The following IRAK3 variants were observed in gnomAD, a reference collection of about 807,000 sequenced individuals.
IRAK3 encodes interleukin 1 receptor associated kinase 3, also known as interleukin-1 receptor-associated kinase 3.
A neutral mutation model predicts 56.6 loss-of-function variants in IRAK3; 57 were observed. The observed-to-expected ratio is 1.01, with a 90% CI of 0.81 to 1.26. The LOEUF (loss-of-function observed/expected upper bound fraction) is 1.26. Ranked by LOEUF, IRAK3 falls within the 50% of genes most tolerant of loss-of-function variation. The pLI, the probability that IRAK3 is intolerant of heterozygous loss-of-function variation, is 0.00. For missense variants in IRAK3, 703 were observed against 719.0 expected, an observed-to-expected ratio of 0.98 and a Z score of 0.25; for synonymous variants, 258 against 255.7, an observed-to-expected ratio of 1.01 and a Z score of -0.09.
At chr12:66,218,291 CAGT>C (rs1311377509) in intron 6 of IRAK3, among the ~76,000 whole-genome samples, 1 of 152,126 alleles carries the variant, frequency 6.6e-6, no homozygotes, top group Non-Finnish European at 1.5e-5. Flanking sequence ...ATATTCTATA[CAGT>C]AGTTTACATA....
chr12:66,236,394 C>G (rs1423132933), intron 8 of IRAK3, among the ~76,000 whole-genome samples: 1 of 56,120 alleles, frequency 1.8e-5, no homozygotes, highest in African/African-American at 6.3e-5. Flanking sequence ...ACTAAAAATA[C>G]CAAAAAAAAA....
chr12:66,238,673 G>A lies in IRAK3; in HGVS notation c.888-5813G>A, dbSNP rs775111124. Among the ~76,000 whole-genome samples the A allele has an allele frequency of 3.9e-5, 6 of 152,136 alleles. No homozygotes were observed. The East Asian group carries it at 7.7e-4, about 20-fold the overall frequency. ...GAAGAGGAGATCGGGCCTGGAAAGCGGTGAGAGTAGATAGCTTTCTAAGGA... is the reference window on the plus strand; with the variant it reads ...GAAGAGGAGATCGGGCCTGGAAAGCAGTGAGAGTAGATAGCTTTCTAAGGA... On this transcript the variant is annotated intron_variant, in intron 8 of 11. Transcript: ENST00000261233.
chr12:66,198,183 C>T (rs2052472828), intron 1 of IRAK3: 7 of 822,514 alleles, frequency 8.5e-6, no homozygotes, highest in Non-Finnish European at 1.0e-5. Flanking sequence ...CTGAATTGGT[C>T]CCATTGCTTT....
At chr12:66,223,260 G>A (rs538317470) in intron 6 of IRAK3, among the ~76,000 whole-genome samples, 1 of 152,262 alleles carries the variant, frequency 6.6e-6, no homozygotes, top group African/African-American at 2.4e-5. Context: ...CAGGTCACAG[G>A]GGATGCAATA....
At chr12:66,243,080 A>C (rs966538993) in intron 8 of IRAK3, among the ~76,000 whole-genome samples, 11 of 152,124 alleles carry the variant, frequency 7.2e-5, no homozygotes, top group African/African-American at 2.6e-4. Flanking sequence ...AAAAAAAAAA[A>C]GACCACCGGA....
chr12:66,210,343 C>T, intron 4 of IRAK3, 142 bp downstream of exon 4: 1 of 628,126 alleles, frequency 1.6e-6, no homozygotes, highest in Non-Finnish European at 2.9e-6. Flanking sequence ...ATTAAAATAA[C>T]TTCAATTTGA....
chr12:66,237,496 C>T (rs540892325), intron 8 of IRAK3, among the ~76,000 whole-genome samples: 2 of 152,274 alleles, frequency 1.3e-5, no homozygotes, highest in Non-Finnish European at 2.9e-5. Context: ...GTCTCTTAGT[C>T]TTTCATGAGT....
At chr12:66,205,978 G>T (rs1157383125) in intron 2 of IRAK3, among the ~76,000 whole-genome samples, 1 of 152,030 alleles carries the variant, frequency 6.6e-6, no homozygotes, top group Non-Finnish European at 1.5e-5. Context: ...TATATTTCTG[G>T]CATGCATGTC....
chr12:66,211,301 A>T (rs1006020971), intron 4 of IRAK3, 145 bp from the exon 5 acceptor site: 2 of 616,140 alleles, frequency 3.2e-6, no homozygotes, highest in Non-Finnish European at 5.9e-6. Context: ...TGCAGAGAGC[A>T]CATGGTGGTC....
At chr12:66,234,266 T>G (rs1474468182) in intron 8 of IRAK3, 2 of 1,613,186 alleles carry the variant, frequency 1.2e-6, no homozygotes, top group Admixed American at 1.7e-5. Flanking sequence ...ATGACTCATC[T>G]GCTGGGCCAG....
At chr12:66,247,403 G>C (rs1160388526) in intron 11 of IRAK3, among the ~76,000 whole-genome samples, 1 of 152,176 alleles carries the variant, frequency 6.6e-6, no homozygotes, top group South Asian at 2.1e-4. Flanking sequence ...AGTAAAAAAT[G>C]TAGAGACTTG....
At chr12:66,192,630 A>C (rs1038307130) in intron 1 of IRAK3, among the ~76,000 whole-genome samples, 13 of 152,238 alleles carry the variant, frequency 8.5e-5, no homozygotes, top group African/African-American at 3.1e-4. Context: ...TATTATATAA[A>C]TCATTAATAA....
chr12:66,240,415 GA>G (rs927259484), intron 8 of IRAK3, among the ~76,000 whole-genome samples: 2 of 152,180 alleles, frequency 1.3e-5, no homozygotes, highest in Non-Finnish European at 2.9e-5. Flanking sequence ...CAGTGGGGAT[GA>G]AAAAGAAAGC....
intron 5 of IRAK3, among the ~76,000 whole-genome samples, chr12:66,213,411 T>C (rs2052632973): frequency 6.6e-6 from 1 of 152,152 alleles, no homozygotes; most frequent in Non-Finnish European, 1.5e-5. Context: ...TCCAAGTATA[T>C]GACACTTTGG....
At chr12:66,202,795 ATGT>A (rs2052521402) in intron 1 of IRAK3, among the ~76,000 whole-genome samples, 1 of 151,664 alleles carries the variant, frequency 6.6e-6, no homozygotes, top group Non-Finnish European at 1.5e-5. Context: ...ACAGAGTGAG[ATGT>A]TGTCTCAAAA....
chr12:66,225,104 T>C (rs1295511602), intron 6 of IRAK3, among the ~76,000 whole-genome samples: 4 of 152,106 alleles, frequency 2.6e-5, no homozygotes, highest in Non-Finnish European at 5.9e-5. Flanking sequence ...TTCTCCTCTC[T>C]GAGCAAGAGA....
At chr12:66,198,077 T>A (rs2052471937) in intron 1 of IRAK3, 2 of 984,966 alleles carry the variant, frequency 2.0e-6, no homozygotes, top group South Asian at 9.4e-5. Context: ...TACCTTTTTA[T>A]GTATAAATAT....
intron 3 of IRAK3, 49 bp downstream of exon 3, chr12:66,209,569 T>C (rs1472984379): frequency 8.9e-7 from 1 of 1,119,746 alleles, no homozygotes; most frequent in Non-Finnish European, 1.4e-6. Flanking sequence ...GTTGCATGTA[T>C]AATTGAGCAT....
intron 8 of IRAK3, among the ~76,000 whole-genome samples, chr12:66,230,445 G>A (rs2052832655): frequency 6.6e-6 from 1 of 152,172 alleles, no homozygotes; most frequent in African/African-American, 2.4e-5. Context: ...ACTGAAGCTG[G>A]GGTGGCGCAT....
Sources: gnomAD v4.1 joint callset for allele counts (sites outside exome capture counted in the v4.1 genomes callset) on GRCh38, gnomAD v4.1.1 for gene constraint, MANE v1.5 for transcripts, NCBI Gene and HGNC (gene_info 2026-07-23, HGNC 2026-07-21) for gene names.